IDE: variants seen among roughly 807,000 people sequenced by gnomAD.
IDE encodes insulin degrading enzyme, also known as insulin-degrading enzyme.
IDE carries 58 observed loss-of-function variants against 133.2 expected under a neutral mutation model. The ratio of observed to expected loss-of-function variants is 0.44; its 90% CI spans 0.35 to 0.54. IDE has a LOEUF of 0.54. IDE is among the 20% of genes least tolerant of loss of function. The pLI, the probability that IDE is intolerant of heterozygous loss-of-function variation, is 0.00. For missense variants in IDE, 981 were observed against 1,234.0 expected, an observed-to-expected ratio of 0.79 and a Z score of 3.07; for synonymous variants, 396 against 421.3, an observed-to-expected ratio of 0.94 and a Z score of 0.73.
intron 1 of IDE, among the ~76,000 whole-genome samples, chr10:92,542,246 C>T (rs995527059): frequency 6.6e-6 from 1 of 152,170 alleles, no homozygotes; most frequent in African/African-American, 2.4e-5. Context: ...CCTCAACATC[C>T]CGGGCTCAGG....
chr10:92,573,005 C>T, intron 1 of IDE: 1 of 985,252 alleles, frequency 1.0e-6, no homozygotes, highest in Non-Finnish European at 1.2e-6. Context: ...CATAGAGGGT[C>T]CAGCACAGTG....
At chr10:92,514,065 G>A (rs1343053680) in intron 5 of IDE, among the ~76,000 whole-genome samples, 2 of 152,112 alleles carry the variant, frequency 1.3e-5, no homozygotes, top group African/African-American at 4.8e-5. Context: ...TCGCTAATAT[G>A]TACTATACTG....
Position 92,537,396 on chromosome 10 carries a change from T to C in IDE, c.253A>G (p.Lys85Glu), listed in dbSNP as rs1005709683. The C allele has an allele frequency of 4.4e-6, 7 of 1,609,088 alleles. No individual in the cohort carries two copies. The highest frequency in any genetic ancestry group is 2.7e-5 in the African/African-American group (2 of 74,656). ...VLLISDPTTD[K>E]SSAALDVHIG... ...TGCACATCAAGTGCTGCTGATGACT[T>C]ATCCGTGGTGGGATCACTGATAAGA... The change falls in exon 2 of 25, where the codon AAG becomes GAG. Residue 85 changes from lysine (K) to glutamate (E), a missense_variant. By Grantham distance (56) the Lys-to-Glu change is moderately conservative. This residue lies in a region of IDE where 321 missense variants were observed against 339.3 expected (regional missense o/e 0.95). Transcript: ENST00000265986.
chr10:92,568,824 A>T (rs184945415), intron 1 of IDE, among the ~76,000 whole-genome samples: 329 of 149,248 alleles, frequency 2.2e-3, no homozygotes, highest in Middle Eastern at 3.4e-3. Context: ...TCAAAAAAAA[A>T]AATAATAATA....
At chr10:92,455,680 T>C (rs751353310) in intron 23 of IDE, 37 bp from the exon 24 acceptor site, 7 of 1,178,426 alleles carry the variant, frequency 5.9e-6, no homozygotes, top group South Asian at 2.6e-5. Flanking sequence ...TTTGTACTTA[T>C]TGATACTATC....
intron 11 of IDE, among the ~76,000 whole-genome samples, chr10:92,491,065 C>T (rs948119394): frequency 2.6e-5 from 4 of 151,638 alleles, no homozygotes; most frequent in Admixed American, 6.6e-5. Context: ...TAGTGGGACC[C>T]GTCTCTACAA....
At chr10:92,518,136 T>C (rs1325258566) in intron 4 of IDE, among the ~76,000 whole-genome samples, 1 of 152,208 alleles carries the variant, frequency 6.6e-6, no homozygotes, top group South Asian at 2.1e-4. Context: ...AATTTGAGTA[T>C]TGATGAAGCC....
chr10:92,536,228 C>T (rs1050695164), intron 2 of IDE, among the ~76,000 whole-genome samples: 6 of 150,378 alleles, frequency 4.0e-5, no homozygotes, highest in Middle Eastern at 3.4e-3. Flanking sequence ...ACTAAAAATA[C>T]CCAAATTAAC....
At chr10:92,492,929 A>T (rs1452454262) in intron 11 of IDE, among the ~76,000 whole-genome samples, 1 of 152,214 alleles carries the variant, frequency 6.6e-6, no homozygotes, top group Non-Finnish European at 1.5e-5. Context: ...TCCTAAAGCA[A>T]GATGACTCAC....
chr10:92,454,248 TA>T lies in IDE; in HGVS notation c.*195del. Reference sequence around the variant, plus strand: ...TTAAAATATTTAAGAGGCATGTATTTAAAAAATATTCTACATCTATAAGATT... The same window carrying T: ...TTAAAATATTTAAGAGGCATGTATTTAAAAATATTCTACATCTATAAGATT... On this transcript the variant is annotated 3_prime_UTR_variant, in exon 25 of 25. Transcript: ENST00000265986. 4.4e-6 allele frequency: 2 copies of T among 451,262 alleles called. No homozygotes were observed. The highest frequency in any genetic ancestry group is 4.0e-6 in the Non-Finnish European group (1 of 252,610). The allele number at this position is 451,262 out of a possible 1,614,324, so 28.0% of individuals were successfully genotyped here. A position where few individuals can be genotyped will look rare whatever the true frequency, so the allele number is the denominator to read the frequency against.
At chr10:92,542,784 G>A (rs1224140893) in intron 1 of IDE, among the ~76,000 whole-genome samples, 1 of 152,174 alleles carries the variant, frequency 6.6e-6, no homozygotes, top group Non-Finnish European at 1.5e-5. Context: ...CAAGAAGCGT[G>A]GTGCTAATGA....
intron 4 of IDE, among the ~76,000 whole-genome samples, chr10:92,531,199 G>A (rs1849905390): frequency 6.6e-6 from 1 of 152,090 alleles, no homozygotes; most frequent in South Asian, 2.1e-4. Context: ...GAAGAAAAAG[G>A]TACAATTATA....
At chr10:92,570,955 C>T (rs535823873) in intron 1 of IDE, among the ~76,000 whole-genome samples, 4 of 151,766 alleles carry the variant, frequency 2.6e-5, no homozygotes, top group African/African-American at 9.7e-5. Context: ...CTTTTTCTCC[C>T]CTACCCTGGG....
At chr10:92,506,563 AT>A in intron 9 of IDE, 41 bp from the exon 10 acceptor site, 1 of 913,436 alleles carries the variant, frequency 1.1e-6, no homozygotes, top group Non-Finnish European at 1.7e-6. Context: ...GGCCACCCTT[AT>A]TTAGAAACCT....
At chr10:92,494,639 A>G (rs1847580993) in intron 11 of IDE, among the ~76,000 whole-genome samples, 1 of 152,196 alleles carries the variant, frequency 6.6e-6, no homozygotes, top group South Asian at 2.1e-4. Flanking sequence ...TTTCATACTA[A>G]AACTTACAAC....
intron 17 of IDE, among the ~76,000 whole-genome samples, chr10:92,474,005 A>C (rs1846120595): frequency 6.6e-6 from 1 of 151,912 alleles, no homozygotes; most frequent in Admixed American, 6.6e-5. Flanking sequence ...CCAAATAAAA[A>C]TCCTTCAATA....
chr10:92,513,283 C>T (rs766833483), intron 5 of IDE, among the ~76,000 whole-genome samples: 5 of 152,142 alleles, frequency 3.3e-5, no homozygotes, highest in African/African-American at 9.7e-5. Flanking sequence ...GCCTCCACCC[C>T]CCAGGTTCAA....
chr10:92,573,948 G>A lies in IDE; in HGVS notation c.72C>T (p.Arg24=), dbSNP rs770968984. The change falls in exon 1 of 25, where the codon CGC becomes CGT. Residue 24 remains arginine, a synonymous_variant. Coordinates refer to ENST00000265986, the MANE Select transcript of IDE (RefSeq NM_004969.4). ...CACACAGGCGCTCCGGAGGCGGCAG[G>A]CGGGCGCCGAGGACTGAGCGGAAGG... is the stretch of plus-strand genomic sequence containing the variant. The part of the protein sequence containing the change: ...PSTFRSVLGA[R]LPPPERLCGF... 6.8e-7 allele frequency: 1 copy of A among 1,473,762 alleles called. No homozygotes were observed. Among genetic ancestry groups the A allele is most frequent in the South Asian group, 1.3e-5 (1 of 74,474 alleles). The allele number at this position is 1,473,762 out of a possible 1,614,324, so 91.3% of individuals were successfully genotyped here.
intron 4 of IDE, among the ~76,000 whole-genome samples, chr10:92,521,493 T>C (rs918170746): frequency 1.3e-5 from 2 of 148,900 alleles, no homozygotes; most frequent in African/African-American, 4.9e-5. Context: ...GGGGAAGGAG[T>C]AGAGGAAGAG....
Sources: allele counts gnomAD v4.1 joint callset (sites outside exome capture counted in the v4.1 genomes callset), GRCh38; gene constraint gnomAD v4.1.1; regional missense constraint gnomAD v4.1.1; transcripts MANE v1.5; gene names NCBI Gene and HGNC (gene_info 2026-07-23, HGNC 2026-07-21).